GIPC2: variants seen among roughly 807,000 people sequenced by gnomAD.
GIPC2 encodes PDZ domain-containing protein GIPC2.
In GIPC2, 30 loss-of-function variants were observed where a neutral mutation model predicts 30.6. The observed-to-expected ratio is 0.98, with a 90% CI of 0.73 to 1.33. The LOEUF (loss-of-function observed/expected upper bound fraction) is 1.33. Ranked by LOEUF, GIPC2 falls within the 40% of genes most tolerant of loss-of-function variation. The pLI is 0.00. For synonymous variants in GIPC2, 167 were observed against 150.0 expected, an observed-to-expected ratio of 1.11 and a Z score of -0.83; for missense variants, 414 against 390.3, an observed-to-expected ratio of 1.06 and a Z score of -0.51.
At chr1:78,129,418 T>G (rs1662848509) in intron 5 of GIPC2, among the ~76,000 whole-genome samples, 1 of 152,238 alleles carries the variant, frequency 6.6e-6, no homozygotes, top group African/African-American at 2.4e-5. Context: ...TAATGCAAAT[T>G]ACACTGACAT....
At chr1:78,098,228 G>T (rs1272171166) in intron 3 of GIPC2, among the ~76,000 whole-genome samples, 1 of 152,094 alleles carries the variant, frequency 6.6e-6, no homozygotes, top group Non-Finnish European at 1.5e-5. Context: ...GCTATGAGTT[G>T]GGTGCCACAT....
intron 1 of GIPC2, among the ~76,000 whole-genome samples, chr1:78,078,486 C>T (rs955678483): frequency 6.6e-6 from 1 of 152,136 alleles, no homozygotes; most frequent in Non-Finnish European, 1.5e-5. Context: ...ATAGCTGGCT[C>T]CATTCCTTAC....
At chr1:78,129,023 T>C (rs1348324067) in intron 5 of GIPC2, among the ~76,000 whole-genome samples, 2 of 131,836 alleles carry the variant, frequency 1.5e-5, no homozygotes, top group East Asian at 6.3e-4. Context: ...AATAAATAAA[T>C]AAATAAATGA....
At chr1:78,131,844 A>G (rs1348443473) in intron 5 of GIPC2, among the ~76,000 whole-genome samples, 1 of 152,258 alleles carries the variant, frequency 6.6e-6, no homozygotes, top group Admixed American at 6.5e-5. Context: ...TTGAATTCAT[A>G]TAGCAAATTA....
At chr1:78,049,714 C>G (rs1380590126) in intron 1 of GIPC2, among the ~76,000 whole-genome samples, 2 of 152,102 alleles carry the variant, frequency 1.3e-5, no homozygotes, top group Non-Finnish European at 2.9e-5. Flanking sequence ...TCACTCCATC[C>G]TCACCAGAAT....
At chr1:78,099,192 C>G (rs1662194938) in intron 3 of GIPC2, among the ~76,000 whole-genome samples, 1 of 151,926 alleles carries the variant, frequency 6.6e-6, no homozygotes, top group Non-Finnish European at 1.5e-5. Flanking sequence ...ATTAGTTGCC[C>G]TAGACAATAA....
chr1:78,100,975 CACACACAT>C (rs1275272232), intron 3 of GIPC2, among the ~76,000 whole-genome samples: 1 of 147,754 alleles, frequency 6.8e-6, no homozygotes, highest in Non-Finnish European at 1.5e-5. Context: ...CACACACACA[CACACACAT>C]ACACACGAGG....
intron 2 of GIPC2, among the ~76,000 whole-genome samples, chr1:78,082,063 A>G (rs1479598621): frequency 6.6e-6 from 1 of 152,106 alleles, no homozygotes; most frequent in Non-Finnish European, 1.5e-5. Context: ...ATCATATATT[A>G]TATACTCCAC....
intron 3 of GIPC2, among the ~76,000 whole-genome samples, chr1:78,098,582 C>T (rs1387409127): frequency 1.3e-5 from 2 of 152,116 alleles, no homozygotes; most frequent in Non-Finnish European, 2.9e-5. Flanking sequence ...AGTTATGGCT[C>T]CTGCCTTTCG....
chr1:78,075,347 T>G (rs986374695), intron 1 of GIPC2, among the ~76,000 whole-genome samples: 3 of 152,086 alleles, frequency 2.0e-5, no homozygotes, highest in Non-Finnish European at 4.4e-5. Flanking sequence ...TCCCAGCTAC[T>G]AGGGAGGCTG....
Position 78,095,133 on chromosome 1 carries a change from G to A in GIPC2, c.607+1G>A, listed in dbSNP as rs144864253. Reference sequence around the variant, plus strand: ...TTAATAGAACCTAAGAAGGCATTTGGTAAGTCAGGGGTTGGTGGGCGGGTG... The same window carrying A: ...TTAATAGAACCTAAGAAGGCATTTGATAAGTCAGGGGTTGGTGGGCGGGTG... On this transcript the variant is annotated splice_donor_variant, in intron 3 of 5. Coordinates refer to ENST00000370759, the MANE Select transcript of GIPC2 (RefSeq NM_017655.6). LOFTEE classifies it high-confidence loss of function. 6 of 1,607,464 alleles carry A rather than the reference G, an allele frequency of 3.7e-6. No homozygotes were observed. In the African/African-American group the frequency reaches 8.0e-5, roughly 22 times the overall value.
Position 78,095,076 on chromosome 1 carries a change from A to G in GIPC2, c.551A>G (p.Glu184Gly). 1 of 1,612,406 alleles carries G rather than the reference A, an allele frequency of 6.2e-7. No homozygotes were observed. Among genetic ancestry groups the G allele is most frequent in the Non-Finnish European group, 8.5e-7 (1 of 1,178,476 alleles). Residue 184 changes from glutamate (E) to glycine (G), a missense_variant, in exon 3 of 6, where the codon GAA becomes GGA. Glu to Gly is a moderately conservative substitution (Grantham distance 98). Transcript: ENST00000370759. ...TATGATGTTGCTAAGAAGTTAAAGG[A>G]ATTAAAAAAGGAGGAACTCTTTACT... ...RHYDVAKKLK[E>G]LKKEELFTMK...
intron 2 of GIPC2, among the ~76,000 whole-genome samples, chr1:78,082,205 C>T (rs955677281): frequency 6.6e-6 from 1 of 152,132 alleles, no homozygotes; most frequent in African/African-American, 2.4e-5. Context: ...TACAGCTGGA[C>T]ACATTCAGGA....
intron 2 of GIPC2, among the ~76,000 whole-genome samples, chr1:78,085,502 T>C (rs894584653): frequency 2.0e-5 from 3 of 152,012 alleles, no homozygotes; most frequent in African/African-American, 7.2e-5. Flanking sequence ...TGGCACCAGC[T>C]TTTCTTTGTA....
At chr1:78,083,351 T>C (rs1450747648) in intron 2 of GIPC2, among the ~76,000 whole-genome samples, 1 of 152,196 alleles carries the variant, frequency 6.6e-6, no homozygotes, top group Non-Finnish European at 1.5e-5. Context: ...TAAGTGATGC[T>C]GTGTCCTTCT....
chr1:78,134,069 T>G (rs1662954936), intron 5 of GIPC2, among the ~76,000 whole-genome samples: 1 of 152,180 alleles, frequency 6.6e-6, no homozygotes, highest in Non-Finnish European at 1.5e-5. Flanking sequence ...AGAATGGTAT[T>G]TAAGAACCAA....
chr1:78,066,142 G>C (rs866589720), intron 1 of GIPC2, among the ~76,000 whole-genome samples: 1 of 151,896 alleles, frequency 6.6e-6, no homozygotes, highest in Non-Finnish European at 1.5e-5. Flanking sequence ...TGCAAACTAG[G>C]CATCTGAAAA....
In GIPC2 at chr1:78,100,750, T is replaced by TA. The variant is rs1277203573; in HGVS notation, c.607+5618_607+5619insA. Among the ~76,000 whole-genome samples the TA allele has an allele frequency of 3.3e-5, 5 of 151,802 alleles. No individual in the cohort carries two copies. The East Asian group carries it at 9.6e-4, about 29-fold the overall frequency. ...TTTGAGACCAGCCTGGCCAATGTGG[T>TA]GAAACCCTGTCTCTACTAAAAATAC... On this transcript the variant is annotated intron_variant, in intron 3 of 5. Coordinates refer to ENST00000370759, the MANE Select transcript of GIPC2 (RefSeq NM_017655.6).
At chr1:78,066,643 A>G (rs1004833874) in intron 1 of GIPC2, among the ~76,000 whole-genome samples, 8 of 152,216 alleles carry the variant, frequency 5.3e-5, no homozygotes, top group Admixed American at 3.9e-4. Flanking sequence ...CTAAATGCCT[A>G]TCAGTAGTAG....
Sources: allele counts gnomAD v4.1 joint callset (sites outside exome capture counted in the v4.1 genomes callset), GRCh38; gene constraint gnomAD v4.1.1; transcripts MANE v1.5; gene names NCBI Gene and HGNC (gene_info 2026-07-23, HGNC 2026-07-21).